The following BRSK1 variants were observed in gnomAD, a reference collection of about 807,000 sequenced individuals.
BRSK1 encodes the protein serine/threonine-protein kinase BRSK1.
A neutral mutation model predicts 86.2 loss-of-function variants in BRSK1; 17 were observed. The observed-to-expected ratio is 0.20, with a 90% CI of 0.14 to 0.30. The LOEUF (loss-of-function observed/expected upper bound fraction) is 0.30. Ranked by LOEUF, BRSK1 falls within the 10% of genes least tolerant of loss-of-function variation. The probability of loss-of-function intolerance (pLI) is 1.00; values close to 1 mark genes in which losing one functional copy is unlikely to be tolerated. For missense variants in BRSK1, 719 were observed against 1,071.9 expected, an observed-to-expected ratio of 0.67 and a Z score of 4.60; for synonymous variants, 464 against 440.1, an observed-to-expected ratio of 1.05 and a Z score of -0.68.
In BRSK1 at chr19:55,294,080, C is replaced by T. The variant is rs199893130; in HGVS notation, c.522C>T (p.Asp174=). 3 of 1,614,036 alleles carry T rather than the reference C, an allele frequency of 1.9e-6. No homozygotes were observed. Among genetic ancestry groups the T allele is most frequent in the African/African-American group, 1.3e-5 (1 of 75,028 alleles). The change falls in exon 5 of 19, where the codon GAC becomes GAT. Residue 174 remains aspartate, a synonymous_variant. Coordinates refer to ENST00000309383, the MANE Select transcript of BRSK1 (RefSeq NM_032430.2). This position sits in a 1 kb window ranked among gnomAD's most constrained non-coding sequence, Gnocchi z 4.9. The stretch of plus-strand genomic sequence containing the variant: ...AGAAAAACAACATCCGCATTGCAGA[C>T]TTCGGCATGGCGTCCCTGCAGGTGG... The part of the protein sequence containing the change: ...LDEKNNIRIA[D]FGMASLQVGD...
At position 55,287,735 on chromosome 19, in the gene BRSK1, G is replaced by A. The variant is rs546260672; in HGVS notation, c.317+436G>A. Reference sequence around the variant, plus strand: ...CCCCCTCCTCCCCCGGCATAACTTCGGGTGCCGTGGCTGGACACCCCAACA... The same window carrying A: ...CCCCCTCCTCCCCCGGCATAACTTCAGGTGCCGTGGCTGGACACCCCAACA... On this transcript the variant is annotated intron_variant, in intron 3 of 18. Transcript: ENST00000309383. This position sits in a 1 kb window ranked among gnomAD's most constrained non-coding sequence, Gnocchi z 5.3. Among the ~76,000 whole-genome samples the A allele has an allele frequency of 1.2e-4, 18 of 152,338 alleles. No individual in the cohort carries two copies. The highest frequency in any genetic ancestry group is 2.5e-4 in the Non-Finnish European group (17 of 68,034).
chr19:55,289,715 C>A, intron 4 of BRSK1, 95 bp downstream of exon 4: 2 of 1,484,572 alleles, frequency 1.3e-6, no homozygotes, highest in South Asian at 1.3e-5. Flanking sequence ...GCCATGTGGT[C>A]GGCCCCCAAA....
In BRSK1 at chr19:55,309,853, G is replaced by T. The variant is rs559060616; in HGVS notation, c.2179+1125G>T. Among the ~76,000 whole-genome samples, 14 of 152,340 alleles carry T rather than the reference G, an allele frequency of 9.2e-5. No individual in the cohort carries two copies. In the South Asian group the frequency reaches 2.7e-3, roughly 29 times the overall value. On this transcript the variant is annotated intron_variant, in intron 18 of 18. Coordinates refer to ENST00000309383, the MANE Select transcript of BRSK1 (RefSeq NM_032430.2). ...CTCATTCCTGAGACACGGGGTCACAGGGGACACAGTGAAACAGGGTACTGG... is the reference window on the plus strand; with the variant it reads ...CTCATTCCTGAGACACGGGGTCACATGGGACACAGTGAAACAGGGTACTGG...
Position 55,294,455 on chromosome 19 carries a change from A to T in BRSK1, c.678+58A>T. 1 of 1,548,692 alleles carries T rather than the reference A, an allele frequency of 6.5e-7. No homozygotes were observed. The highest frequency in any genetic ancestry group is 8.9e-7 in the Non-Finnish European group (1 of 1,128,816). On this transcript the variant is annotated intron_variant, in intron 7 of 18. Coordinates refer to ENST00000309383, the MANE Select transcript of BRSK1 (RefSeq NM_032430.2). The surrounding 1 kb of genome is among the most constrained non-coding windows in gnomAD (Gnocchi z 4.9). The stretch of plus-strand genomic sequence containing the variant: ...GATCAATCCCACCTGGTGGGAGCAT[A>T]GGACAGTACCTTCCATCCTCAGGTC...
chr19:55,296,978 C>T (rs537285345), intron 7 of BRSK1, among the ~76,000 whole-genome samples: 2 of 151,854 alleles, frequency 1.3e-5, no homozygotes, highest in Admixed American at 6.6e-5. Flanking sequence ...ATCATGCCAC[C>T]GAACTCCAGC....
rs188980008 is a variant in BRSK1 at position 55,297,219 on chromosome 19, G to A, written c.678+2822G>A. 2.0e-5 allele frequency among the ~76,000 whole-genome samples: 3 copies of A among 152,088 alleles called. No individual in the cohort carries two copies. In the East Asian group the frequency reaches 5.9e-4, roughly 30 times the overall value. ...AGCCTCCCAAGTAGCAGGGACTACA[G>A]GCATGTGCCACCACGCCTGGCTAAT... On this transcript the variant is annotated intron_variant, in intron 7 of 18. Transcript: ENST00000309383.
In BRSK1 at chr19:55,284,297, C is replaced by A; in HGVS notation, c.-146C>A. On this transcript the variant is annotated 5_prime_UTR_variant, in exon 1 of 19. Coordinates refer to ENST00000309383, the MANE Select transcript of BRSK1 (RefSeq NM_032430.2). ...CCGCGGCCCGCCGACTGGGGGGGGC[C>A]AGCCCAGCCCCCTGGGGACCCCCGG... 1.5e-6 allele frequency: 1 copy of A among 658,810 alleles called. No homozygotes were observed. Among genetic ancestry groups the A allele is most frequent in the Non-Finnish European group, 2.1e-6 (1 of 467,716 alleles). The allele number at this position is 658,810 out of a possible 1,614,324, so 40.8% of individuals were successfully genotyped here.
At position 55,306,922 on chromosome 19, in the gene BRSK1, C is replaced by T. The variant is rs1316567369; in HGVS notation, c.2089+472C>T. Among the ~76,000 whole-genome samples, 16 of 152,292 alleles carry T rather than the reference C, an allele frequency of 1.1e-4. No homozygotes were observed. The East Asian group carries it at 2.9e-3, about 28-fold the overall frequency. On this transcript the variant is annotated intron_variant, in intron 17 of 18. Coordinates refer to ENST00000309383, the MANE Select transcript of BRSK1 (RefSeq NM_032430.2). This position sits in a 1 kb window ranked among gnomAD's most constrained non-coding sequence, Gnocchi z 4.7. Reference sequence around the variant, plus strand: ...CACTGCTGTCTAATATCAGTCTGCCCAGAGCAGACATTACCAATTGATGGC... The same window carrying T: ...CACTGCTGTCTAATATCAGTCTGCCTAGAGCAGACATTACCAATTGATGGC...
Position 55,311,932 on chromosome 19 carries a change from C to T in BRSK1, c.2201C>T (p.Thr734Ile). 2 of 1,611,686 alleles carry T rather than the reference C, an allele frequency of 1.2e-6. No individual in the cohort carries two copies. The highest frequency in any genetic ancestry group is 8.5e-7 in the Non-Finnish European group (1 of 1,179,210). Residue 734 changes from threonine to isoleucine, a missense_variant, in exon 19 of 19, where the codon ACC (threonine) becomes ATC (isoleucine). Thr to Ile is a moderately conservative substitution (Grantham distance 89). Around this residue, in one of 6 missense-constraint regions of BRSK1, gnomAD observed 82 missense variants for 72.6 expected, o/e 1.13. Transcript: ENST00000309383. The stretch of plus-strand genomic sequence containing the variant: ...GCAGACGAGAAGAACGGGGCCCAGA[C>T]CCGGCCTGCTGGTGCCCCACCCCGA... Reference protein sequence around the residue: ...ALADEKNGAQTRPAGAPPRSL... With the variant: ...ALADEKNGAQIRPAGAPPRSL...
intron 4 of BRSK1, 52 bp from the exon 5 acceptor site, chr19:55,293,965 C>T: frequency 6.6e-7 from 1 of 1,519,680 alleles, no homozygotes; most frequent in Non-Finnish European, 9.0e-7. Context: ...TCAGTGGGGC[C>T]TGGGCCTCCT....
rs1308881765 is a variant in BRSK1, at chr19:55,287,392, G to GGGGACCTGC, written c.317+94_317+102dup. On this transcript the variant is annotated intron_variant, in intron 3 of 18. Transcript: ENST00000309383. The surrounding 1 kb of genome is among the most constrained non-coding windows in gnomAD (Gnocchi z 5.3). ...CAGAAACAGGGCCTAGGGGGACCTGGGGGACCTGCAGCTCTCCAGGCTGGA... is the reference window on the plus strand; with the variant it reads ...CAGAAACAGGGCCTAGGGGGACCTGGGGGACCTGCGGGACCTGCAGCTCTCCAGGCTGGA... The GGGGACCTGC allele has an allele frequency of 2.5e-6, 3 of 1,219,022 alleles. No homozygotes were observed. The highest frequency in any genetic ancestry group is 3.6e-6 in the Non-Finnish European group (3 of 835,142). 75.5% of individuals were successfully genotyped at this position (1,219,022 alleles called of 1,614,324 possible).
rs71368837 is a variant in BRSK1, at chr19:55,312,459, C to T, written c.*391C>T. On this transcript the variant is annotated 3_prime_UTR_variant, in exon 19 of 19. Transcript: ENST00000309383. ...GGTCCTCCCCCCACGACCTTCTGTA[C>T]GGATTTGCTCTCCGGAAGGAATTCT... 4 of 137,200 alleles carry T rather than the reference C, an allele frequency of 2.9e-5. No homozygotes were observed. The highest frequency in any genetic ancestry group is 4.0e-5 in the Non-Finnish European group (3 of 74,824). 8.5% of individuals were successfully genotyped at this position (137,200 alleles called of 1,614,324 possible).
intron 1 of BRSK1, 124 bp from the exon 2 acceptor site, chr19:55,286,883 T>C: frequency 2.4e-6 from 2 of 820,582 alleles, no homozygotes; most frequent in South Asian, 3.0e-5. Flanking sequence ...TCTGATGTGT[T>C]CAGGCCATTG....
In BRSK1 at chr19:55,303,186, C is replaced by A; in HGVS notation, c.1029-125C>A. 1 of 767,964 alleles carries A rather than the reference C, an allele frequency of 1.3e-6. No homozygotes were observed. The highest frequency in any genetic ancestry group is 2.2e-6 in the Non-Finnish European group (1 of 460,034). 47.6% of individuals were successfully genotyped at this position (767,964 alleles called of 1,614,324 possible). Reference sequence around the variant, plus strand: ...CCCTAAACCAGAGAAACTGACCATACTGATACCTAGAAAAAATGGAACCAT... The same window carrying A: ...CCCTAAACCAGAGAAACTGACCATAATGATACCTAGAAAAAATGGAACCAT... On this transcript the variant is annotated intron_variant, in intron 10 of 18. Coordinates refer to ENST00000309383, the MANE Select transcript of BRSK1 (RefSeq NM_032430.2). This position sits in a 1 kb window ranked among gnomAD's most constrained non-coding sequence, Gnocchi z 5.1.
intron 3 of BRSK1, chr19:55,288,011 T>TG (rs1017145846): frequency 9.7e-5 from 15 of 154,420 alleles, no homozygotes; most frequent in Admixed American, 7.6e-4. Context: ...CACGGGAAGC[T>TG]GTCTGCCCGG....
intron 17 of BRSK1, among the ~76,000 whole-genome samples, chr19:55,307,747 T>TACACACACACACAC (rs68176323): frequency 4.5e-5 from 4 of 88,120 alleles, no homozygotes; most frequent in African/African-American, 1.0e-4. Context: ...AAAAAATTTA[T>TACACACACACACAC]ACACACACAC....
rs923578428 is a variant in BRSK1, at chr19:55,304,943, G to T, written c.1717+23G>T. On this transcript the variant is annotated intron_variant, in intron 14 of 18. Coordinates refer to ENST00000309383, the MANE Select transcript of BRSK1 (RefSeq NM_032430.2). This position sits in a 1 kb window ranked among gnomAD's most constrained non-coding sequence, Gnocchi z 5.2. ...AGGGTATGGGGGCATGAACTGCCGA[G>T]TCCTAATGTGGGGAGAGGTTGGGGC... 1 of 1,601,954 alleles carries T rather than the reference G, an allele frequency of 6.2e-7. No homozygotes were observed.
chr19:55,296,172 C>G (rs539539864), intron 7 of BRSK1, among the ~76,000 whole-genome samples: 1 of 152,178 alleles, frequency 6.6e-6, no homozygotes, highest in East Asian at 1.9e-4. Context: ...AAGGTCAGAC[C>G]CCCCTGTGGT....
At position 55,312,110 on chromosome 19, in the gene BRSK1, C is replaced by G; in HGVS notation, c.*42C>G. On this transcript the variant is annotated 3_prime_UTR_variant, in exon 19 of 19. Coordinates refer to ENST00000309383, the MANE Select transcript of BRSK1 (RefSeq NM_032430.2). ...AGGGAGGGGACCCCCCTCCACCCCC[C>G]TTCCGTGCCCCCCAACTGTGAATCT... 1.1e-6 allele frequency: 1 copy of G among 879,922 alleles called. No individual in the cohort carries two copies. The allele number at this position is 879,922 out of a possible 1,614,324, so 54.5% of individuals were successfully genotyped here.
Sources: allele counts gnomAD v4.1 joint callset (sites outside exome capture counted in the v4.1 genomes callset), GRCh38; gene constraint gnomAD v4.1.1; regional missense constraint gnomAD v4.1.1; non-coding constraint Gnocchi (gnomAD v3.1); transcripts MANE v1.5; gene names NCBI Gene and HGNC (gene_info 2026-07-23, HGNC 2026-07-21).